NLRP12: variants seen among roughly 807,000 people sequenced by gnomAD.
The protein encoded by NLRP12 is NACHT, LRR and PYD domains-containing protein 12.
A neutral mutation model predicts 91.2 loss-of-function variants in NLRP12; 108 were observed. The ratio of observed to expected loss-of-function variants is 1.18; its 90% CI spans 1.01 to 1.39. The LOEUF (loss-of-function observed/expected upper bound fraction) is 1.39. Among genes scored for constraint, NLRP12 ranks in the 40% most tolerant of loss-of-function variants. The probability of loss-of-function intolerance (pLI) is 0.00; values close to 1 mark genes in which losing one functional copy is unlikely to be tolerated. For synonymous variants in NLRP12, 613 were observed against 566.7 expected (o/e 1.08, Z -1.16); for missense variants, 1,530 against 1,352.7 (o/e 1.13, Z -2.06).
rs2091943317 is a variant in NLRP12, at chr19:53,805,440, A to AC, written c.2253dup (p.Cys752ValfsTer19). The stretch of plus-strand genomic sequence containing the variant: ...TCGCAGGCTGAGCTGGAGATGCGGC[A>AC]CCTCTTCAGCCTGGGGTGGAAAAGA... On this transcript the variant is annotated frameshift_variant, in exon 5 of 10. Transcript: ENST00000324134. LOFTEE classifies it high-confidence loss of function. The AC allele has an allele frequency of 1.2e-6, 2 of 1,613,182 alleles. No individual in the cohort carries two copies. The highest frequency in any genetic ancestry group is 1.7e-6 in the Non-Finnish European group (2 of 1,179,856).
chr19:53,793,736 C>T (rs1248775035), downstream of NLRP12: 18 of 416,870 alleles, frequency 4.3e-5, no homozygotes, highest in Admixed American at 3.5e-4. Flanking sequence ...AGGTGCCCGC[C>T]ACCATGCCTG....
rs2092020488 is a variant in NLRP12 at position 53,809,534 on chromosome 19, A to AAAAG, written c.2072+52_2072+53insCTTT. 4.9e-6 allele frequency: 7 copies of AAAAG among 1,436,788 alleles called. No homozygotes were observed. In the African/African-American group the frequency reaches 7.3e-5, roughly 15 times the overall value. 89.0% of individuals were successfully genotyped at this position (1,436,788 alleles called of 1,614,324 possible). On this transcript the variant is annotated intron_variant, in intron 3 of 9. Transcript: ENST00000324134. ...CAACAGAGCAAAAAAAAAAAAAAAA[A>AAAAG]AAAAAAACACACGAACCTAAGCAGC...
chr19:53,810,974 T>C lies in NLRP12; in HGVS notation c.685A>G (p.Lys229Glu). 6.2e-7 allele frequency: 1 copy of C among 1,614,160 alleles called. No individual in the cohort carries two copies. The highest frequency in any genetic ancestry group is 8.5e-7 in the Non-Finnish European group (1 of 1,180,030). ...CCGTCCGCCCAGTCCAGCATCACCT[T>C]GTGTGCCAGCATGGACTTGCCTATC... ...AGIGKSMLAH[K>E]VMLDWADGKL... Residue 229 changes from lysine to glutamate, a missense_variant, in exon 3 of 10, where the codon AAG (lysine) becomes GAG (glutamate). Coordinates refer to ENST00000324134, the MANE Select transcript of NLRP12 (RefSeq NM_144687.4).
chr19:53,794,020 C>A lies in NLRP12; in HGVS notation c.*29G>T, dbSNP rs1488114081. Reference sequence around the variant, plus strand: ...CCCTCCCATCTTCCTCTGTCCAGATCTCAGGGGAGAGCCAGCAGATAGGAC... The same window carrying A: ...CCCTCCCATCTTCCTCTGTCCAGATATCAGGGGAGAGCCAGCAGATAGGAC... On this transcript the variant is annotated 3_prime_UTR_variant, in exon 10 of 10. Transcript: ENST00000324134. The A allele has an allele frequency of 2.6e-6, 4 of 1,519,422 alleles. No individual in the cohort carries two copies. The highest frequency in any genetic ancestry group is 3.7e-6 in the Non-Finnish European group (4 of 1,093,770). The allele number at this position is 1,519,422 out of a possible 1,614,324, so 94.1% of individuals were successfully genotyped here.
chr19:53,800,022 C>T (rs1372799959), intron 7 of NLRP12, among the ~76,000 whole-genome samples: 1 of 151,908 alleles, frequency 6.6e-6, no homozygotes, highest in African/African-American at 2.4e-5. Context: ...AAAAATTGGC[C>T]AGGCGCAGTG....
At position 53,810,946 on chromosome 19, in the gene NLRP12, T is replaced by C. The variant is rs200820147; in HGVS notation, c.713A>G (p.Lys238Arg). The change falls in exon 3 of 10, where the codon AAG becomes AGG. Residue 238 changes from lysine to arginine, a missense_variant. Transcript: ENST00000324134. ...HKVMLDWADG[K>R]LFQGRFDYLF... ...ATAATCAAATCTGCCTTGGAAGAGC[T>C]TCCCGTCCGCCCAGTCCAGCATCAC... The C allele has an allele frequency of 5.6e-6, 9 of 1,614,150 alleles. No homozygotes were observed. In the Admixed American group the frequency reaches 1.0e-4, roughly 18 times the overall value.
intron 3 of NLRP12, chr19:53,808,079 T>G (rs1264937557): frequency 5.7e-6 from 2 of 351,460 alleles, no homozygotes; most frequent in Non-Finnish European, 1.1e-5. Flanking sequence ...TTTTTTTTTT[T>G]AGAGGGCCTT....
chr19:53,811,192 C>T lies in NLRP12; in HGVS notation c.467G>A (p.Arg156Gln). The T allele has an allele frequency of 6.2e-7, 1 of 1,614,076 alleles. No homozygotes were observed. The highest frequency in any genetic ancestry group is 8.5e-7 in the Non-Finnish European group (1 of 1,180,022). Residue 156 changes from arginine (R) to glutamine (Q), a missense_variant, in exon 3 of 10, where the codon CGG becomes CAG. Arg to Gln is a conservative substitution (Grantham distance 43). Transcript: ENST00000324134. ...RLGECVNLSH[R>Q]YTRLLLVKEH... The stretch of plus-strand genomic sequence containing the variant: ...CTTCACCAGCAGGAGCCGGGTGTAC[C>T]GGTGGCTGAGGTTGACACATTCCCC...
chr19:53,795,107 C>CTGTGTGTGTGTGTGT (rs1555792119), intron 9 of NLRP12, among the ~76,000 whole-genome samples: 81 of 85,494 alleles, frequency 9.5e-4, no homozygotes, highest in African/African-American at 3.7e-3. Context: ...CTGGTGTGTG[C>CTGTGTGTGTGTGTGT]GTGTGTGTGT....
chr19:53,818,040 C>T (rs1214000922), intron 1 of NLRP12, among the ~76,000 whole-genome samples: 1 of 151,608 alleles, frequency 6.6e-6, no homozygotes, highest in Non-Finnish European at 1.5e-5. Context: ...GCCTCAGCCT[C>T]CAACATGCTG....
At chr19:53,809,224 T>TA (rs3973673) in intron 3 of NLRP12, among the ~76,000 whole-genome samples, 3,129 of 133,562 alleles carry the variant, frequency 0.023, 87 homozygotes, top group African/African-American at 0.064. Flanking sequence ...AGACTTAGTT[T>TA]AAAAAAAAAA....
intron 7 of NLRP12, among the ~76,000 whole-genome samples, chr19:53,798,749 T>C (rs1600676778): frequency 6.6e-6 from 1 of 152,184 alleles, no homozygotes. Context: ...AAAAAATTTT[T>C]TTTCTTTTTG....
At position 53,810,342 on chromosome 19, in the gene NLRP12, C is replaced by A. The variant is rs368381958; in HGVS notation, c.1317G>T (p.Leu439=). 6.2e-7 allele frequency: 1 copy of A among 1,613,472 alleles called. No individual in the cohort carries two copies. The highest frequency in any genetic ancestry group is 1.3e-5 in the African/African-American group (1 of 74,908). ...CCGGCTTGGGTTGCATCAGACTCAG[C>A]AGGTAGAGCATGTACACTGCAGTGG... The part of the protein sequence containing the change: ...RTTTAVYMLY[L]LSLMQPKPGA... The change falls in exon 3 of 10, where the codon CTG becomes CTT. Residue 439 remains leucine, a synonymous_variant. Coordinates refer to ENST00000324134, the MANE Select transcript of NLRP12 (RefSeq NM_144687.4).
At chr19:53,802,706 C>CA (rs531832866) in intron 6 of NLRP12, among the ~76,000 whole-genome samples, 18,175 of 129,118 alleles carry the variant, frequency 0.14, 1,125 homozygotes, top group South Asian at 0.23. Flanking sequence ...GACTCTGTCT[C>CA]AAAAAAAAAA....
At chr19:53,806,465 G>A (rs568831871) in intron 4 of NLRP12, among the ~76,000 whole-genome samples, 4 of 151,764 alleles carry the variant, frequency 2.6e-5, no homozygotes, top group Admixed American at 6.6e-5. Flanking sequence ...GGTGGATCAC[G>A]AGGTTAGAGA....
At chr19:53,801,474 CAG>C (rs1172646847) in intron 6 of NLRP12, 77 bp from the exon 7 acceptor site, 134 of 1,322,896 alleles carry the variant, frequency 1.0e-4, no homozygotes, top group Non-Finnish European at 1.3e-4. Context: ...TTTTTTGAGA[CAG>C]AGTCCCACTC....
chr19:53,809,528 A>AAAAC, intron 3 of NLRP12, 59 bp downstream of exon 3: 6 of 1,318,736 alleles, frequency 4.5e-6, no homozygotes, highest in Admixed American at 2.5e-5. Flanking sequence ...AAAAAAAAAA[A>AAAAC]AAAAAAAAAA....
rs2092049034 is a variant in NLRP12, at chr19:53,810,443, C to G, written c.1216G>C (p.Val406Leu). ...PLFTMCFVPL[V>L]CWVVCTCLQQ... ...AGGCAGGTACACACCACCCAGCACA[C>G]CAGGGGGACGAAGCACATGGTGAAG... Residue 406 changes from valine to leucine, a missense_variant, in exon 3 of 10, where the codon GTG becomes CTG. Transcript: ENST00000324134. 1 of 1,613,966 alleles carries G rather than the reference C, an allele frequency of 6.2e-7. No homozygotes were observed. Among genetic ancestry groups the G allele is most frequent in the African/African-American group, 1.3e-5 (1 of 74,936 alleles).
intron 1 of NLRP12, 69 bp from the exon 2 acceptor site, chr19:53,815,057 G>A (rs1296547563): frequency 2.7e-5 from 31 of 1,169,798 alleles, no homozygotes; most frequent in East Asian, 4.7e-5. Flanking sequence ...TATTAGCTGC[G>A]ATTACGTCGA....
Sources: allele counts gnomAD v4.1 joint callset (sites outside exome capture counted in the v4.1 genomes callset), GRCh38; gene constraint gnomAD v4.1.1; transcripts MANE v1.5; gene names NCBI Gene and HGNC (gene_info 2026-07-23, HGNC 2026-07-21).